ZNF689: variants seen among roughly 807,000 people sequenced by gnomAD.
ZNF689 encodes short ORF-encoded histone-binding protein.
ZNF689 carries 14 observed loss-of-function variants against 37.2 expected under a neutral mutation model. The ratio of observed to expected loss-of-function variants is 0.38; its 90% CI spans 0.25 to 0.59. The LOEUF (loss-of-function observed/expected upper bound fraction) is 0.59, where lower values mean the gene tolerates loss of function less well. Among genes scored for constraint, ZNF689 ranks in the 20% least tolerant of loss-of-function variants. ZNF689 has a pLI of 0.68. For synonymous variants in ZNF689, 277 were observed against 283.3 expected (o/e 0.98, Z 0.22); for missense variants, 573 against 700.2 (o/e 0.82, Z 2.05).
chr16:30,607,306 G>C (rs1193872448), intron 2 of ZNF689, among the ~76,000 whole-genome samples: 1 of 138,818 alleles, frequency 7.2e-6, no homozygotes, highest in Admixed American at 7.3e-5. Context: ...AGAAACGTAA[G>C]TCCCAGCCAA....
chr16:30,609,790 T>C, intron 1 of ZNF689, 47 bp downstream of exon 1: 3 of 1,573,566 alleles, frequency 1.9e-6, no homozygotes, highest in East Asian at 4.7e-5. Context: ...CCTCTCCGGC[T>C]CCTGCATCCC....
chr16:30,610,267 G>A lies in ZNF689; in HGVS notation c.-226C>T, dbSNP rs567306087. On this transcript the variant is annotated 5_prime_UTR_variant, in exon 1 of 3. Coordinates refer to ENST00000287461, the MANE Select transcript of ZNF689 (RefSeq NM_138447.3). ...GAAAGGCACCGGAAGATGCCTTCGG[G>A]GAAAATGGCGGCGCTGCTACCGCAC... The A allele has an allele frequency of 3.3e-5, 19 of 569,830 alleles. No individual in the cohort carries two copies. The African/African-American group carries it at 3.6e-4, about 11-fold the overall frequency. 35.3% of individuals were successfully genotyped at this position (569,830 alleles called of 1,614,324 possible).
intron 2 of ZNF689, among the ~76,000 whole-genome samples, chr16:30,606,701 C>T (rs1005749085): frequency 6.6e-6 from 1 of 151,888 alleles, no homozygotes; most frequent in Admixed American, 6.6e-5. Context: ...AGGGTTTCAC[C>T]ATGTTGGCCA....
In ZNF689 at chr16:30,605,090, A is replaced by G. The variant is rs753299254; in HGVS notation, c.677T>C (p.Ile226Thr). 3 of 1,613,856 alleles carry G rather than the reference A, an allele frequency of 1.9e-6. No individual in the cohort carries two copies. The highest frequency in any genetic ancestry group is 2.2e-5 in the East Asian group (1 of 44,836). The change falls in exon 3 of 3, where the codon ATC (isoleucine) becomes ACC (threonine). Residue 226 changes from isoleucine (I) to threonine (T), a missense_variant. Ile to Thr is a moderately conservative substitution (Grantham distance 89). Around this residue, in one of 3 missense-constraint regions of ZNF689, gnomAD observed 252 missense variants for 313.3 expected, o/e 0.80. Coordinates refer to ENST00000287461, the MANE Select transcript of ZNF689 (RefSeq NM_138447.3). This position sits in a 1 kb window ranked among gnomAD's most constrained non-coding sequence, Gnocchi z 5.1. ...QRKNLSQHQV[I>T]HTGEKPYHCP... The stretch of plus-strand genomic sequence containing the variant: ...GTGATAGGGCTTCTCCCCTGTATGG[A>G]TGACCTGGTGCTGGGAGAGGTTCTT...
Position 30,605,380 on chromosome 16 carries a change from C to T in ZNF689, c.387G>A (p.Gly129=), listed in dbSNP as rs762489203. The change falls in exon 3 of 3, where the codon GGG becomes GGA. Residue 129 remains glycine (G), a synonymous_variant. Transcript: ENST00000287461. The surrounding 1 kb of genome is among the most constrained non-coding windows in gnomAD (Gnocchi z 5.1). Reference sequence around the variant, plus strand: ...GTTTGCTGGGCCTCCGGCCTCGCTTCCCCTTTCGGGGTGCCTCCTTAGGCG... The same window carrying T: ...GTTTGCTGGGCCTCCGGCCTCGCTTTCCCTTTCGGGGTGCCTCCTTAGGCG... ...VFPPKEAPRK[G]KRGRRPSKPR... 3 of 1,613,904 alleles carry T rather than the reference C, an allele frequency of 1.9e-6. No homozygotes were observed. The highest frequency in any genetic ancestry group is 2.2e-5 in the South Asian group (2 of 91,090).
chr16:30,609,974 C>A lies in ZNF689; in HGVS notation c.68G>T (p.Gly23Val). Residue 23 changes from glycine to valine, a missense_variant, in exon 1 of 3, where the codon GGC becomes GTC. Coordinates refer to ENST00000287461, the MANE Select transcript of ZNF689 (RefSeq NM_138447.3). ...PGKARPSRKR[G>V]RRPRALKFVD... is the part of the protein sequence containing the mutation. The stretch of plus-strand genomic sequence containing the variant: ...GAACTTCAGAGCCCTCGGCCTCCTG[C>A]CCCTTTTCCGACTGGGTCTGGCCTT... 6.2e-7 allele frequency: 1 copy of A among 1,611,546 alleles called. No individual in the cohort carries two copies. Among genetic ancestry groups the A allele is most frequent in the Non-Finnish European group, 8.5e-7 (1 of 1,179,320 alleles).
intron 2 of ZNF689, 55 bp downstream of exon 2, chr16:30,609,470 A>G: frequency 6.6e-7 from 1 of 1,521,536 alleles, no homozygotes; most frequent in African/African-American, 1.4e-5. Flanking sequence ...CAGAGCCGTT[A>G]GAGGTAGAAC....
intron 2 of ZNF689, among the ~76,000 whole-genome samples, chr16:30,607,884 A>G (rs1174181173): frequency 6.6e-6 from 1 of 152,100 alleles, no homozygotes; most frequent in Non-Finnish European, 1.5e-5. Context: ...ATTGCTTGAA[A>G]CCGGGAGCAA....
In ZNF689 at chr16:30,603,131, A is replaced by T. The variant is rs2051994894; in HGVS notation, c.*1133T>A. 1 of 152,094 alleles carries T rather than the reference A, an allele frequency of 6.6e-6. No individual in the cohort carries two copies. The highest frequency in any genetic ancestry group is 2.4e-5 in the African/African-American group (1 of 41,404). The allele number at this position is 152,094 out of a possible 1,614,324, so 9.4% of individuals were successfully genotyped here. ...CTGTGATTCATCTGTGCCTGATGAG[A>T]ATCAGGGTCAAGTACGGCCCAATTC... On this transcript the variant is annotated 3_prime_UTR_variant, in exon 3 of 3. Coordinates refer to ENST00000287461, the MANE Select transcript of ZNF689 (RefSeq NM_138447.3).
chr16:30,609,131 G>C (rs2052064184), intron 2 of ZNF689, among the ~76,000 whole-genome samples: 2 of 152,134 alleles, frequency 1.3e-5, no homozygotes, highest in East Asian at 3.8e-4. Flanking sequence ...GCAGAGGGTA[G>C]CACCTGTTAA....
Position 30,603,750 on chromosome 16 carries a change from A to G in ZNF689, c.*514T>C, listed in dbSNP as rs1596584137. ...TACTTAACCTTCTATAGATCCCACA[A>G]TGAAATGACCTGCCTTGTGAGGTAG... On this transcript the variant is annotated 3_prime_UTR_variant, in exon 3 of 3. Transcript: ENST00000287461. 7.5e-6 allele frequency: 2 copies of G among 267,930 alleles called. No homozygotes were observed. Among genetic ancestry groups the G allele is most frequent in the East Asian group, 1.9e-4 (2 of 10,594 alleles). The allele number at this position is 267,930 out of a possible 1,614,324, so 16.6% of individuals were successfully genotyped here.
Position 30,604,244 on chromosome 16 carries a change from C to G in ZNF689, c.*20G>C, listed in dbSNP as rs773194504. The G allele has an allele frequency of 6.2e-7, 1 of 1,613,188 alleles. No individual in the cohort carries two copies. The highest frequency in any genetic ancestry group is 8.5e-7 in the Non-Finnish European group (1 of 1,179,212). On this transcript the variant is annotated 3_prime_UTR_variant, in exon 3 of 3. Transcript: ENST00000287461. This position sits in a 1 kb window ranked among gnomAD's most constrained non-coding sequence, Gnocchi z 5.2. ...GGGACCCTCCATAAAATGAAATGAA[C>G]GTAGGCAGTCCTTCCCCTTCTAATG...
rs920071573 is a variant in ZNF689, at chr16:30,610,004, G to A, written c.38C>T (p.Pro13Leu). Residue 13 changes from proline (P) to leucine (L), a missense_variant, in exon 1 of 3, where the codon CCA becomes CTA. Around this residue, in one of 3 missense-constraint regions of ZNF689, gnomAD observed 252 missense variants for 313.3 expected, o/e 0.80. Coordinates refer to ENST00000287461, the MANE Select transcript of ZNF689 (RefSeq NM_138447.3). ...PPSAPLPAQG[P>L]GKARPSRKRG... ...TTTCCGACTGGGTCTGGCCTTTCCT[G>A]GTCCCTGCGCAGGGAGCGGAGCCGA... 1.2e-6 allele frequency: 2 copies of A among 1,606,904 alleles called. No individual in the cohort carries two copies. The highest frequency in any genetic ancestry group is 1.1e-5 in the South Asian group (1 of 90,232).
chr16:30,603,365 T>A lies in ZNF689; in HGVS notation c.*899A>T, dbSNP rs78586314. 1 of 49,514 alleles carries A rather than the reference T, an allele frequency of 2.0e-5. No individual in the cohort carries two copies. The highest frequency in any genetic ancestry group is 1.5e-4 in the African/African-American group (1 of 6,654). The allele number at this position is 49,514 out of a possible 1,614,324, so 3.1% of individuals were successfully genotyped here. A position where few individuals can be genotyped will look rare whatever the true frequency, so the allele number is the denominator to read the frequency against. On this transcript the variant is annotated 3_prime_UTR_variant, in exon 3 of 3. Transcript: ENST00000287461. Reference sequence around the variant, plus strand: ...CAAGATGAAGACTTAGTTTTATAGCTTTTTTTTTTTTTTTTAAGTTTAGGG... The same window carrying A: ...CAAGATGAAGACTTAGTTTTATAGCATTTTTTTTTTTTTTTAAGTTTAGGG...
At position 30,604,827 on chromosome 16, in the gene ZNF689, C is replaced by T; in HGVS notation, c.940G>A (p.Glu314Lys). ...CAGTCCGGGCACGGGTAGGGCTTCT[C>T]GCCCGTGTGGATGCGCTGGTGGATG... is the stretch of plus-strand genomic sequence containing the variant. ...LVIHQRIHTG[E>K]KPYPCPDCER... Residue 314 changes from glutamate to lysine, a missense_variant, in exon 3 of 3, where the codon GAG (glutamate) becomes AAG (lysine). Glu to Lys is a moderately conservative substitution (Grantham distance 56). Transcript: ENST00000287461. The surrounding 1 kb of genome is among the most constrained non-coding windows in gnomAD (Gnocchi z 5.2). 6.9e-6 allele frequency: 11 copies of T among 1,605,176 alleles called. No homozygotes were observed. Among genetic ancestry groups the T allele is most frequent in the Middle Eastern group, 1.7e-4 (1 of 6,008 alleles).
rs1301341236 is a variant in ZNF689, at chr16:30,604,168, TTTAG to T, written c.*92_*95del. ...AGCTCTGTGCAGCAGGAGACCCGGG[TTTAG>T]TTCTGACTCTGCCCTGTATGACCTG... On this transcript the variant is annotated 3_prime_UTR_variant, in exon 3 of 3. Coordinates refer to ENST00000287461, the MANE Select transcript of ZNF689 (RefSeq NM_138447.3). This position sits in a 1 kb window ranked among gnomAD's most constrained non-coding sequence, Gnocchi z 5.2. 1 of 1,346,078 alleles carries T rather than the reference TTTAG, an allele frequency of 7.4e-7. No homozygotes were observed. Among genetic ancestry groups the T allele is most frequent in the East Asian group, 2.4e-5 (1 of 41,428 alleles). The allele number at this position is 1,346,078 out of a possible 1,614,324, so 83.4% of individuals were successfully genotyped here.
chr16:30,605,140 C>G lies in ZNF689; in HGVS notation c.627G>C (p.Gln209His). ...TGCGCTGGGAGAAACGTTTGCCACACTGGTCACAAACATAGGGGCACTCGC... is the reference window on the plus strand; with the variant it reads ...TGCGCTGGGAGAAACGTTTGCCACAGTGGTCACAAACATAGGGGCACTCGC... ...HSGECPYVCD[Q>H]CGKRFSQRKN... The change falls in exon 3 of 3, where the codon CAG becomes CAC. Residue 209 changes from glutamine to histidine, a missense_variant. Physicochemically the swap from Gln to His is conservative, Grantham distance 24. Around this residue, in one of 3 missense-constraint regions of ZNF689, gnomAD observed 252 missense variants for 313.3 expected, o/e 0.80. Coordinates refer to ENST00000287461, the MANE Select transcript of ZNF689 (RefSeq NM_138447.3). This position sits in a 1 kb window ranked among gnomAD's most constrained non-coding sequence, Gnocchi z 5.1. The G allele has an allele frequency of 1.9e-6, 3 of 1,613,694 alleles. No individual in the cohort carries two copies. The highest frequency in any genetic ancestry group is 2.5e-6 in the Non-Finnish European group (3 of 1,179,946).
rs769523291 is a variant in ZNF689, at chr16:30,604,229, A to C, written c.*35T>G. 1 of 1,611,498 alleles carries C rather than the reference A, an allele frequency of 6.2e-7. No homozygotes were observed. The highest frequency in any genetic ancestry group is 2.2e-5 in the East Asian group (1 of 44,872). ...CTCCTTCCCTTTTCTGGGACCCTCC[A>C]TAAAATGAAATGAACGTAGGCAGTC... On this transcript the variant is annotated 3_prime_UTR_variant, in exon 3 of 3. Coordinates refer to ENST00000287461, the MANE Select transcript of ZNF689 (RefSeq NM_138447.3). This position sits in a 1 kb window ranked among gnomAD's most constrained non-coding sequence, Gnocchi z 5.2.
Position 30,605,572 on chromosome 16 carries a change from G to T in ZNF689, c.320-125C>A. On this transcript the variant is annotated intron_variant, in intron 2 of 2. Transcript: ENST00000287461. The surrounding 1 kb of genome is among the most constrained non-coding windows in gnomAD (Gnocchi z 5.1). The stretch of plus-strand genomic sequence containing the variant: ...AATTCCTAGTGCCACAGACAGCTAA[G>T]TGTGACATACTGTCATGCAAATACG... 1 of 963,302 alleles carries T rather than the reference G, an allele frequency of 1.0e-6. No individual in the cohort carries two copies. 59.7% of individuals were successfully genotyped at this position (963,302 alleles called of 1,614,324 possible). A position where few individuals can be genotyped will look rare whatever the true frequency, so the allele number is the denominator to read the frequency against.
Sources: allele counts gnomAD v4.1 joint callset (sites outside exome capture counted in the v4.1 genomes callset), GRCh38; gene constraint gnomAD v4.1.1; regional missense constraint gnomAD v4.1.1; non-coding constraint Gnocchi (gnomAD v3.1); transcripts MANE v1.5; gene names NCBI Gene and HGNC (gene_info 2026-07-23, HGNC 2026-07-21).